The following USP43 variants were observed in gnomAD, a reference collection of about 807,000 sequenced individuals.
The protein encoded by USP43 is ubiquitin carboxyl-terminal hydrolase 43.
Under a neutral mutation model 90.7 loss-of-function variants are expected in USP43, and 33 were observed. The ratio of observed to expected loss-of-function variants is 0.36; its 90% CI spans 0.28 to 0.49. The LOEUF (loss-of-function observed/expected upper bound fraction) is 0.49, where lower values mean the gene tolerates loss of function less well. Ranked by LOEUF, USP43 falls within the 20% of genes least tolerant of loss-of-function variation. USP43 has a pLI of 0.98. For missense variants in USP43, 1,274 were observed against 1,476.4 expected, an observed-to-expected ratio of 0.86 and a Z score of 2.25; for synonymous variants, 598 against 615.8, an observed-to-expected ratio of 0.97 and a Z score of 0.43.
intron 3 of USP43, among the ~76,000 whole-genome samples, chr17:9,673,566 GAGTATTA>G (rs1913578536): frequency 1.3e-5 from 2 of 152,144 alleles, no homozygotes; most frequent in South Asian, 2.1e-4. Flanking sequence ...TAAAGTAAAG[GAGTATTA>G]AGTTTAAAAG....
chr17:9,712,220 T>C, intron 14 of USP43, 88 bp downstream of exon 14: 1 of 1,396,682 alleles, frequency 7.2e-7, no homozygotes, highest in Non-Finnish European at 9.4e-7. Context: ...CACTTCGTAG[T>C]CTTGAATGGA....
chr17:9,705,473 G>C (rs933969467), intron 12 of USP43, among the ~76,000 whole-genome samples: 1 of 151,890 alleles, frequency 6.6e-6, no homozygotes, highest in Non-Finnish European at 1.5e-5. Flanking sequence ...TGTTGCTGTC[G>C]GCCGGGCGTG....
intron 2 of USP43, 33 bp downstream of exon 2, chr17:9,656,567 G>T: frequency 1.3e-6 from 2 of 1,566,490 alleles, no homozygotes; most frequent in Non-Finnish European, 1.7e-6. Flanking sequence ...CAATGTACTG[G>T]GTTTTCTTTT....
rs1567661199 is a variant in USP43 at position 9,681,465 on chromosome 17, TATATATATATATA to T, written c.1105+1100_1105+1112del. 8.0e-3 allele frequency among the ~76,000 whole-genome samples: 581 copies of T among 73,002 alleles called. 26 individuals are homozygous for T. Among genetic ancestry groups the T allele is most frequent in the African/African-American group, 0.021 (533 of 25,398 alleles). The allele number at this position is 73,002 out of a possible 152,430, so 47.9% of individuals were successfully genotyped here. A position where few individuals can be genotyped will look rare whatever the true frequency, so the allele number is the denominator to read the frequency against. On this transcript the variant is annotated intron_variant, in intron 6 of 14. Transcript: ENST00000285199. ...AGATAAATATATATAAAATATATTATATATATATATATATATATATATATATATATATATATAT... is the reference window on the plus strand; with the variant it reads ...AGATAAATATATATAAAATATATTATTATATATATATATATATATATATAT...
In USP43 at chr17:9,710,077, C is replaced by T. The variant is rs765618454; in HGVS notation, c.2133C>T (p.Asn711=). The T allele has an allele frequency of 1.9e-6, 3 of 1,548,150 alleles. No individual in the cohort carries two copies. The highest frequency in any genetic ancestry group is 2.6e-6 in the Non-Finnish European group (3 of 1,147,584). ...ATATCCTGTTCTATCAGAAGCGGAA[C>T]AGCATCCCTCCCTGGTCAGCCAGCA... ...GAYILFYQKR[N]SIPPWSASSS... is the part of the protein sequence containing the mutation. Residue 711 remains asparagine, a synonymous_variant, in exon 13 of 15, where the codon AAC becomes AAT. Transcript: ENST00000285199.
At chr17:9,676,415 G>A (rs1173778340) in intron 4 of USP43, among the ~76,000 whole-genome samples, 1 of 152,038 alleles carries the variant, frequency 6.6e-6, no homozygotes, top group East Asian at 1.9e-4. Flanking sequence ...TGTCACCCAG[G>A]CTGGAGTGCA....
At chr17:9,698,108 T>C (rs1915380131) in intron 9 of USP43, among the ~76,000 whole-genome samples, 2 of 152,242 alleles carry the variant, frequency 1.3e-5, no homozygotes, top group African/African-American at 4.8e-5. Context: ...CAGCTTTTAA[T>C]ATGTTTGTTG....
chr17:9,696,498 A>G (rs1346344495), intron 9 of USP43, among the ~76,000 whole-genome samples: 6 of 152,142 alleles, frequency 3.9e-5, no homozygotes, highest in Non-Finnish European at 7.4e-5. Flanking sequence ...TCCTAGATCC[A>G]TATCTCCTGC....
At chr17:9,710,640 G>A (rs539637074) in intron 13 of USP43, among the ~76,000 whole-genome samples, 3 of 151,564 alleles carry the variant, frequency 2.0e-5, no homozygotes, top group African/African-American at 7.3e-5. Context: ...GAGTAGCTGG[G>A]AGTACAGGCA....
chr17:9,728,997 G>A lies in USP43; in HGVS notation c.*7G>A, dbSNP rs763463935. On this transcript the variant is annotated 3_prime_UTR_variant, in exon 15 of 15. Coordinates refer to ENST00000285199, the MANE Select transcript of USP43 (RefSeq NM_153210.5). The surrounding 1 kb of genome is among the most constrained non-coding windows in gnomAD (Gnocchi z 6.2). ...ACCGGAGTCCAGCTTTTGATGGAGC[G>A]TGTCAGTATTGTGTGACGCTGGCAT... 6.4e-5 allele frequency: 99 copies of A among 1,539,772 alleles called. No homozygotes were observed. Among genetic ancestry groups the A allele is most frequent in the Non-Finnish European group, 6.1e-5 (70 of 1,139,344 alleles).
chr17:9,646,004 G>A lies in USP43; in HGVS notation c.372G>A (p.Leu124=). The A allele has an allele frequency of 6.7e-7, 1 of 1,485,302 alleles. No homozygotes were observed. The highest frequency in any genetic ancestry group is 2.9e-5 in the East Asian group (1 of 35,046). The allele number at this position is 1,485,302 out of a possible 1,614,324, so 92.0% of individuals were successfully genotyped here. A position where few individuals can be genotyped will look rare whatever the true frequency, so the allele number is the denominator to read the frequency against. ...TGCAGTGTCTCAGCAACACCGACCTGCTGGCCGAGTTCCTGGCGCTGGGGC... is the reference window on the plus strand; with the variant it reads ...TGCAGTGTCTCAGCAACACCGACCTACTGGCCGAGTTCCTGGCGCTGGGGC... The part of the protein sequence containing the change: ...AVVQCLSNTD[L]LAEFLALGRY... Residue 124 remains leucine (L), a synonymous_variant, in exon 1 of 15, where the codon CTG becomes CTA. Coordinates refer to ENST00000285199, the MANE Select transcript of USP43 (RefSeq NM_153210.5).
At position 9,728,680 on chromosome 17, in the gene USP43, C is replaced by A. The variant is rs748723913; in HGVS notation, c.3062C>A (p.Pro1021His). 6.2e-7 allele frequency: 1 copy of A among 1,612,562 alleles called. No homozygotes were observed. Among genetic ancestry groups the A allele is most frequent in the East Asian group, 2.2e-5 (1 of 44,818 alleles). Residue 1021 changes from proline to histidine, a missense_variant, in exon 15 of 15, where the codon CCC (proline) becomes CAC (histidine). Transcript: ENST00000285199. This position sits in a 1 kb window ranked among gnomAD's most constrained non-coding sequence, Gnocchi z 6.2. ...NERAEVSPQV[P>H]PVSLVSGGLS... ...AGGGCAGAGGTCTCTCCACAGGTGC[C>A]CCCCGTCTCCCTGGTGAGTGGCGGG...
Position 9,728,805 on chromosome 17 carries a change from G to A in USP43, c.3187G>A (p.Val1063Ile), listed in dbSNP as rs1256496445. ...CCTGGGCAGCCGGCTCGAGAGGGAT[G>A]TCTGGTCAGCCCCCAGCTCTCTCCG... ...RGLGSRLERD[V>I]WSAPSSLRLP... The change falls in exon 15 of 15, where the codon GTC becomes ATC. Residue 1063 changes from valine (V) to isoleucine (I), a missense_variant. By Grantham distance (29) the Val-to-Ile change is conservative. Around this residue, in one of 6 missense-constraint regions of USP43, gnomAD observed 353 missense variants for 329.7 expected, o/e 1.07. Transcript: ENST00000285199. The surrounding 1 kb of genome is among the most constrained non-coding windows in gnomAD (Gnocchi z 6.2). The A allele has an allele frequency of 1.9e-6, 3 of 1,612,744 alleles. No individual in the cohort carries two copies. The highest frequency in any genetic ancestry group is 1.3e-5 in the African/African-American group (1 of 75,028).
chr17:9,703,260 C>G (rs1220609071), intron 12 of USP43, among the ~76,000 whole-genome samples: 3 of 151,800 alleles, frequency 2.0e-5, no homozygotes, highest in African/African-American at 7.3e-5. Flanking sequence ...ACAGCTGGAA[C>G]CTGGGCCTTG....
chr17:9,712,572 T>C (rs1490160583), intron 14 of USP43, among the ~76,000 whole-genome samples: 2 of 152,090 alleles, frequency 1.3e-5, no homozygotes, highest in Non-Finnish European at 2.9e-5. Context: ...CCTAGGGCTA[T>C]GTTCCAGGAG....
At chr17:9,681,462 T>TATATA (rs1555550104) in intron 6 of USP43, among the ~76,000 whole-genome samples, 47 of 18,580 alleles carry the variant, frequency 2.5e-3, no homozygotes, top group Non-Finnish European at 3.4e-3. Context: ...ATAAAATATA[T>TATATA]TATATATATA....
intron 12 of USP43, among the ~76,000 whole-genome samples, chr17:9,703,706 G>T (rs778064615): frequency 6.6e-6 from 1 of 152,170 alleles, no homozygotes; most frequent in African/African-American, 2.4e-5. Flanking sequence ...TGCTGTCATC[G>T]GTGCCAACAT....
intron 14 of USP43, among the ~76,000 whole-genome samples, chr17:9,716,378 A>G (rs1356039333): frequency 6.6e-6 from 1 of 152,186 alleles, no homozygotes; most frequent in Non-Finnish European, 1.5e-5. Flanking sequence ...TTTTCATAAA[A>G]TGAACATCCT....
chr17:9,677,459 G>A (rs546978673), intron 5 of USP43, among the ~76,000 whole-genome samples: 10 of 152,354 alleles, frequency 6.6e-5, no homozygotes, highest in Non-Finnish European at 1.3e-4. Context: ...AACTGAGGAT[G>A]TATAACATGA....
Sources: allele counts gnomAD v4.1 joint callset (sites outside exome capture counted in the v4.1 genomes callset), GRCh38; gene constraint gnomAD v4.1.1; regional missense constraint gnomAD v4.1.1; non-coding constraint Gnocchi (gnomAD v3.1); transcripts MANE v1.5; gene names NCBI Gene and HGNC (gene_info 2026-07-23, HGNC 2026-07-21).